PCNX2: variants seen among roughly 807,000 people sequenced by gnomAD.
PCNX2 encodes the protein pecanex-like protein 2.
A neutral mutation model predicts 223.8 loss-of-function variants in PCNX2; 168 were observed. That is an observed-to-expected ratio of 0.75 (90% CI 0.66 to 0.85). The LOEUF (loss-of-function observed/expected upper bound fraction) is 0.85. Among genes scored for constraint, PCNX2 ranks in the 40% least tolerant of loss-of-function variants. PCNX2 has a pLI of 0.00. For missense variants in PCNX2, 2,507 were observed against 2,675.5 expected (o/e 0.94, Z 1.39); for synonymous variants, 1,006 against 1,052.6 (o/e 0.96, Z 0.86).
chr1:233,012,630 T>A (rs1351784804), intron 28 of PCNX2, among the ~76,000 whole-genome samples: 1 of 151,870 alleles, frequency 6.6e-6, no homozygotes, highest in Non-Finnish European at 1.5e-5. Context: ...ATAAAGGAAA[T>A]TCCATCAAAA....
At chr1:233,163,584 T>C (rs1001503943) in intron 17 of PCNX2, among the ~76,000 whole-genome samples, 4 of 151,370 alleles carry the variant, frequency 2.6e-5, no homozygotes, top group Admixed American at 1.3e-4. Flanking sequence ...TTTATGGGGA[T>C]ATATATAAAT....
intron 9 of PCNX2, among the ~76,000 whole-genome samples, chr1:233,227,943 C>G (rs1049020010): frequency 6.6e-6 from 1 of 151,858 alleles, no homozygotes; most frequent in Non-Finnish European, 1.5e-5. Context: ...TAATTCATCT[C>G]TTATTAGCTC....
intron 12 of PCNX2, among the ~76,000 whole-genome samples, chr1:233,216,107 G>A (rs1172971479): frequency 3.9e-5 from 6 of 152,084 alleles, no homozygotes; most frequent in African/African-American, 1.4e-4. Context: ...GGTTTTCCAG[G>A]GCTACAGGAG....
At chr1:233,130,582 T>C (rs1676433235) in intron 21 of PCNX2, among the ~76,000 whole-genome samples, 1 of 151,484 alleles carries the variant, frequency 6.6e-6, no homozygotes, top group Non-Finnish European at 1.5e-5. Context: ...CCTCCTGGGT[T>C]CCCGCCATTC....
At chr1:233,223,812 T>G (rs918308180) in intron 10 of PCNX2, among the ~76,000 whole-genome samples, 7 of 152,234 alleles carry the variant, frequency 4.6e-5, no homozygotes, top group Non-Finnish European at 1.0e-4. Context: ...TGGTAACTGA[T>G]GACAATTAGT....
intron 1 of PCNX2, chr1:233,293,966 G>A (rs533074050): frequency 5.5e-4 from 539 of 985,194 alleles, no homozygotes; most frequent in Middle Eastern, 2.1e-3. Context: ...AAAATGGTGC[G>A]GAGAATCAGA....
intron 21 of PCNX2, among the ~76,000 whole-genome samples, chr1:233,112,230 G>A (rs963366898): frequency 1.3e-5 from 2 of 152,214 alleles, no homozygotes; most frequent in African/African-American, 4.8e-5. Flanking sequence ...AAATCTGCAG[G>A]TTCCAAATGT....
chr1:233,161,960 TTA>T (rs917039649), intron 17 of PCNX2, among the ~76,000 whole-genome samples: 3 of 147,538 alleles, frequency 2.0e-5, no homozygotes, highest in African/African-American at 7.4e-5. Context: ...AAATTATTTT[TTA>T]TATATATATA....
chr1:233,294,600 G>T (rs1037512656), intron 1 of PCNX2, among the ~76,000 whole-genome samples: 14 of 152,122 alleles, frequency 9.2e-5, no homozygotes, highest in Non-Finnish European at 2.1e-4. Flanking sequence ...ATAAGACATG[G>T]AACACCTTAC....
chr1:233,141,771 A>G (rs1001454240), intron 19 of PCNX2, among the ~76,000 whole-genome samples: 11 of 110,734 alleles, frequency 9.9e-5, no homozygotes, highest in Admixed American at 4.9e-4. Context: ...GTGTATATGT[A>G]TATGTGTGTG....
At chr1:233,074,154 C>T (rs998021563) in intron 23 of PCNX2, among the ~76,000 whole-genome samples, 10 of 151,918 alleles carry the variant, frequency 6.6e-5, no homozygotes, top group South Asian at 4.2e-4. Context: ...CTATTGTGGC[C>T]GGAGAACATT....
chr1:233,130,504 T>TGTGA (rs58244503), intron 21 of PCNX2, among the ~76,000 whole-genome samples: 7 of 149,434 alleles, frequency 4.7e-5, no homozygotes, highest in East Asian at 3.9e-4. Flanking sequence ...TGTGTGTGTG[T>TGTGA]GATGGAGTCT....
At chr1:233,150,123 G>C (rs1235887063) in intron 19 of PCNX2, among the ~76,000 whole-genome samples, 1 of 152,144 alleles carries the variant, frequency 6.6e-6, no homozygotes, top group East Asian at 1.9e-4. Context: ...CTCAGTCACA[G>C]GCAGCATTCA....
intron 1 of PCNX2, among the ~76,000 whole-genome samples, chr1:233,269,074 T>C (rs1660498828): frequency 6.6e-6 from 1 of 152,228 alleles, no homozygotes; most frequent in Non-Finnish European, 1.5e-5. Flanking sequence ...TTAATATCAG[T>C]CACATTCCCA....
chr1:233,206,082 A>G (rs1277956815), intron 13 of PCNX2, among the ~76,000 whole-genome samples: 1 of 152,052 alleles, frequency 6.6e-6, no homozygotes, highest in Non-Finnish European at 1.5e-5. Flanking sequence ...GAAAGGGATG[A>G]GAAGGGGCCA....
chr1:233,324,804 G>C, the PCNX2 span, among the ~76,000 whole-genome samples: 1 of 151,682 alleles, frequency 6.6e-6, no homozygotes, highest in Non-Finnish European at 1.5e-5. Context: ...GGCCAGGCTG[G>C]TCTCAAACTC....
At chr1:233,220,882 CAGAT>C (rs1657334767) in intron 10 of PCNX2, among the ~76,000 whole-genome samples, 1 of 152,212 alleles carries the variant, frequency 6.6e-6, no homozygotes, top group Admixed American at 6.5e-5. Flanking sequence ...TATATAATTT[CAGAT>C]AGATAGCTAT....
At chr1:233,098,021 A>G (rs1674278414) in intron 21 of PCNX2, among the ~76,000 whole-genome samples, 1 of 152,190 alleles carries the variant, frequency 6.6e-6, no homozygotes, top group Non-Finnish European at 1.5e-5. Context: ...GAAATCTTCT[A>G]GTCACCCCCC....
chr1:233,150,755 T>TC (rs1677748633), intron 19 of PCNX2, among the ~76,000 whole-genome samples: 1 of 151,970 alleles, frequency 6.6e-6, no homozygotes, highest in African/African-American at 2.4e-5. Flanking sequence ...TTGATTTTTT[T>TC]TTCATTAGTT....
Sources: gnomAD v4.1 joint callset for allele counts (sites outside exome capture counted in the v4.1 genomes callset) on GRCh38, gnomAD v4.1.1 for gene constraint, MANE v1.5 for transcripts, NCBI Gene and HGNC (gene_info 2026-07-23, HGNC 2026-07-21) for gene names.